Variants in HCRTR2 observed in about 807,000 individuals in gnomAD.
HCRTR2 encodes orexin receptor type 2.
A neutral mutation model predicts 49.0 loss-of-function variants in HCRTR2; 22 were observed. That is an observed-to-expected ratio of 0.45 (90% CI 0.32 to 0.64). HCRTR2 has a LOEUF of 0.64. Ranked by LOEUF, HCRTR2 falls within the 30% of genes least tolerant of loss-of-function variation. HCRTR2 has a pLI of 0.04. For synonymous variants in HCRTR2, 236 were observed against 205.3 expected (o/e 1.15, Z -1.28); for missense variants, 491 against 559.4 (o/e 0.88, Z 1.23).
At chr6:55,242,055 A>G (rs1390505599) in intron 1 of HCRTR2, among the ~76,000 whole-genome samples, 1 of 151,396 alleles carries the variant, frequency 6.6e-6, no homozygotes, top group Non-Finnish European at 1.5e-5. Context: ...TTTTTAGTAG[A>G]GACAGGATTT....
intron 1 of HCRTR2, among the ~76,000 whole-genome samples, chr6:55,109,999 C>G (rs959627753): frequency 9.9e-5 from 15 of 151,964 alleles, no homozygotes; most frequent in Non-Finnish European, 2.2e-4. Context: ...GAAAGGAAAA[C>G]CTAGCAGATA....
chr6:55,219,436 C>A (rs953901729), intron 1 of HCRTR2, among the ~76,000 whole-genome samples: 5 of 152,088 alleles, frequency 3.3e-5, no homozygotes, highest in African/African-American at 1.2e-4. Context: ...ACAATAAATT[C>A]TTGAACAGTC....
intron 1 of HCRTR2, among the ~76,000 whole-genome samples, chr6:55,178,595 G>A (rs1765080142): frequency 6.6e-6 from 1 of 152,050 alleles, no homozygotes; most frequent in African/African-American, 2.4e-5. Flanking sequence ...TTTGTGATGT[G>A]GTGTATAGCC....
chr6:55,155,222 A>T (rs1764715332), intron 1 of HCRTR2, among the ~76,000 whole-genome samples: 1 of 151,816 alleles, frequency 6.6e-6, no homozygotes, highest in Non-Finnish European at 1.5e-5. Context: ...ATGAAAACAC[A>T]ATCTTAACAC....
At chr6:55,125,222 A>G (rs150324285) in intron 1 of HCRTR2, among the ~76,000 whole-genome samples, 3,467 of 152,174 alleles carry the variant, frequency 0.023, 74 homozygotes, top group Non-Finnish European at 0.032. Context: ...GGTCTTTACA[A>G]TTTGGTATGT....
chr6:55,158,623 G>C (rs1390738989), intron 1 of HCRTR2, among the ~76,000 whole-genome samples: 2 of 152,184 alleles, frequency 1.3e-5, no homozygotes, highest in Non-Finnish European at 2.9e-5. Context: ...GGTGGAGAGA[G>C]GGACGTCCAC....
chr6:55,282,245 A>G lies in HCRTR2; in HGVS notation c.1126A>G (p.Lys376Glu). ...FLSGKFREEF[K>E]AAFSCCCLGV... Reference sequence around the variant, plus strand: ...GCCAGGAAAATTTCGAGAGGAATTTAAAGCTGCGTTTTCTTGCTGTTGCCT... The same window carrying G: ...GCCAGGAAAATTTCGAGAGGAATTTGAAGCTGCGTTTTCTTGCTGTTGCCT... The change falls in exon 7 of 7, where the codon AAA becomes GAA. Residue 376 changes from lysine (K) to glutamate (E), a missense_variant. By Grantham distance (56) the Lys-to-Glu change is moderately conservative. Coordinates refer to ENST00000370862, the MANE Select transcript of HCRTR2 (RefSeq NM_001384272.1). The G allele has an allele frequency of 6.2e-7, 1 of 1,613,582 alleles. No homozygotes were observed. The highest frequency in any genetic ancestry group is 8.5e-7 in the Non-Finnish European group (1 of 1,179,722).
intron 1 of HCRTR2, among the ~76,000 whole-genome samples, chr6:55,243,650 C>T (rs766943171): frequency 2.6e-5 from 4 of 152,020 alleles, no homozygotes; most frequent in Non-Finnish European, 4.4e-5. Context: ...CAATTCCATC[C>T]ATAGTTACTG....
chr6:55,182,862 A>T (rs1765155816), intron 1 of HCRTR2, among the ~76,000 whole-genome samples: 1 of 152,168 alleles, frequency 6.6e-6, no homozygotes, highest in Non-Finnish European at 1.5e-5. Context: ...CCTAACTACA[A>T]AGGGGATTGG....
chr6:55,123,695 G>C (rs1020093677), intron 1 of HCRTR2, among the ~76,000 whole-genome samples: 2 of 152,134 alleles, frequency 1.3e-5, no homozygotes, highest in Non-Finnish European at 2.9e-5. Context: ...AGTTTCAGAA[G>C]GAATCCTACC....
rs192103907 is a variant in HCRTR2, at chr6:55,123,957, G to A, written c.-378+17412G>A. 1.7e-3 allele frequency among the ~76,000 whole-genome samples: 263 copies of A among 152,040 alleles called. 2 individuals carry two copies. Among genetic ancestry groups the A allele is most frequent in the African/African-American group, 5.7e-3 (237 of 41,484 alleles). On this transcript the variant is annotated intron_variant, in intron 1 of 7. Coordinates refer to the HCRTR2 transcript ENST00000615358. ...TCTGATGGTAGTTTGTATTTCTGTG[G>A]GATCAGTAGTTATATCTCCTATATC...
chr6:55,218,371 T>C (rs1328968368), intron 1 of HCRTR2, among the ~76,000 whole-genome samples: 1 of 152,150 alleles, frequency 6.6e-6, no homozygotes, highest in Non-Finnish European at 1.5e-5. Flanking sequence ...CTATATGATA[T>C]ATAGAAAACA....
At chr6:55,111,411 A>G (rs949487735) in intron 1 of HCRTR2, among the ~76,000 whole-genome samples, 1 of 152,036 alleles carries the variant, frequency 6.6e-6, no homozygotes, top group South Asian at 2.1e-4. Flanking sequence ...ATAGAACATT[A>G]GTCAGATTAA....
intron 1 of HCRTR2, among the ~76,000 whole-genome samples, chr6:55,120,257 C>A (rs1441904168): frequency 1.3e-5 from 2 of 151,670 alleles, no homozygotes; most frequent in Admixed American, 1.3e-4. Context: ...TATGTGGGCC[C>A]TTTTTTGGTT....
At chr6:55,115,153 A>G (rs1395460219) in intron 1 of HCRTR2, among the ~76,000 whole-genome samples, 4 of 151,740 alleles carry the variant, frequency 2.6e-5, no homozygotes, top group Non-Finnish European at 5.9e-5. Context: ...CTACTTCTGT[A>G]CCTTATCATT....
intron 1 of HCRTR2, among the ~76,000 whole-genome samples, chr6:55,235,081 C>T (rs1407992124): frequency 3.3e-5 from 5 of 152,084 alleles, no homozygotes; most frequent in African/African-American, 1.2e-4. Context: ...CAAAATAACA[C>T]ATAAATGTTG....
chr6:55,116,722 A>AAAAAC (rs1764122275), intron 1 of HCRTR2, among the ~76,000 whole-genome samples: 1 of 150,892 alleles, frequency 6.6e-6, no homozygotes, highest in African/African-American at 2.4e-5. Context: ...AGAGAAAAAA[A>AAAAAC]AAAAAACTCT....
intron 4 of HCRTR2, among the ~76,000 whole-genome samples, chr6:55,268,193 A>T (rs1766898475): frequency 6.6e-6 from 1 of 152,174 alleles, no homozygotes; most frequent in Admixed American, 6.5e-5. Context: ...TAATTTTTTG[A>T]AGAATGTAGA....
intron 1 of HCRTR2, among the ~76,000 whole-genome samples, chr6:55,198,647 A>G (rs1448612802): frequency 6.6e-6 from 1 of 152,196 alleles, no homozygotes; most frequent in East Asian, 1.9e-4. Flanking sequence ...GTGTGGAATC[A>G]GGGTCTTTGA....
Sources: gnomAD v4.1 joint callset for allele counts (sites outside exome capture counted in the v4.1 genomes callset) on GRCh38, gnomAD v4.1.1 for gene constraint, MANE v1.5 for transcripts, NCBI Gene and HGNC (gene_info 2026-07-23, HGNC 2026-07-21) for gene names.